FOXO3: variants seen among roughly 807,000 people sequenced by gnomAD.
FOXO3 encodes forkhead box O3, also known as forkhead box protein O3.
Under a neutral mutation model 41.9 loss-of-function variants are expected in FOXO3, and 4 were observed. The ratio of observed to expected loss-of-function variants is 0.10; its 90% CI spans 0.05 to 0.22. The LOEUF is 0.22. FOXO3 is among the 10% of genes least tolerant of loss of function. FOXO3 has a pLI of 1.00. For missense variants in FOXO3, 534 were observed against 906.8 expected (o/e 0.59, Z 5.28); for synonymous variants, 318 against 389.3 (o/e 0.82, Z 2.16).
intron 1 of FOXO3, among the ~76,000 whole-genome samples, chr6:108,586,492 TG>T (rs1017518142): frequency 6.6e-6 from 1 of 152,140 alleles, no homozygotes. Context: ...TCTGGCCTTG[TG>T]AATATTTTTT....
chr6:108,596,893 T>TC (rs1204537258), intron 1 of FOXO3, among the ~76,000 whole-genome samples: 3 of 152,208 alleles, frequency 2.0e-5, no homozygotes, highest in Non-Finnish European at 4.4e-5. Context: ...GCTTTTTTTT[T>TC]CTTTTTTCTT....
At chr6:108,648,132 C>T (rs72944305) in intron 1 of FOXO3, among the ~76,000 whole-genome samples, 2,416 of 152,216 alleles carry the variant, frequency 0.016, 26 homozygotes, top group Non-Finnish European at 0.025. Flanking sequence ...ATAGACAAGT[C>T]GAAGAACTGA....
intron 1 of FOXO3, among the ~76,000 whole-genome samples, chr6:108,650,327 TCTC>T (rs1253067780): frequency 2.0e-5 from 3 of 152,070 alleles, no homozygotes; most frequent in African/African-American, 4.8e-5. Context: ...GACTCTTCTG[TCTC>T]CTCCAGCCAC....
At chr6:108,658,796 C>T (rs564792517) in intron 1 of FOXO3, among the ~76,000 whole-genome samples, 2 of 152,338 alleles carry the variant, frequency 1.3e-5, no homozygotes, top group South Asian at 2.1e-4. Context: ...TAAAGAAAGA[C>T]AAGTAAGTCC....
intron 1 of FOXO3, among the ~76,000 whole-genome samples, chr6:108,572,412 T>TCACA (rs1174100555): frequency 3.9e-5 from 6 of 152,186 alleles, no homozygotes; most frequent in Admixed American, 3.9e-4. Context: ...TTGTAGAGTC[T>TCACA]CACACACTTG....
Position 108,664,841 on chromosome 6 carries a change from T to G in FOXO3, c.2008T>G (p.Trp670Gly). The change falls in exon 2 of 3, where the codon TGG becomes GGG. Residue 670 changes from tryptophan to glycine, a missense_variant. Coordinates refer to ENST00000406360, the MANE Select transcript of FOXO3 (RefSeq NM_001455.4). The stretch of plus-strand genomic sequence containing the variant: ...TGCTAAGCAGGCCTCATCTCAGAGC[T>G]GGGTGCCAGGCTGAAGGATCACTGA... ...TGAKQASSQS[W>G]VPG is the part of the protein sequence containing the mutation. 1 of 1,568,430 alleles carries G rather than the reference T, an allele frequency of 6.4e-7. No individual in the cohort carries two copies. The highest frequency in any genetic ancestry group is 8.6e-7 in the Non-Finnish European group (1 of 1,159,260).
At position 108,639,103 on chromosome 6, in the gene FOXO3, C is replaced by T. The variant is rs75538481; in HGVS notation, c.622-24352C>T. On this transcript the variant is annotated intron_variant, in intron 1 of 2. Coordinates refer to ENST00000406360, the MANE Select transcript of FOXO3 (RefSeq NM_001455.4). ...AATGGACCCAGAGGAAAGATAACCT[C>T]AGGATCTATCCCTTTTCACTGGAGA... Among the ~76,000 whole-genome samples the T allele has an allele frequency of 2.0e-5, 3 of 152,274 alleles. No individual in the cohort carries two copies. The East Asian group carries it at 5.8e-4, about 29-fold the overall frequency.
At chr6:108,635,525 GTTTGTT>G (rs978807367) in intron 1 of FOXO3, among the ~76,000 whole-genome samples, 4 of 151,518 alleles carry the variant, frequency 2.6e-5, no homozygotes, top group African/African-American at 9.8e-5. Flanking sequence ...GTGTAATTTT[GTTTGTT>G]TTAAATGTGT....
At chr6:108,608,494 T>G (rs1205509176) in intron 1 of FOXO3, among the ~76,000 whole-genome samples, 2 of 152,104 alleles carry the variant, frequency 1.3e-5, no homozygotes, top group African/African-American at 4.8e-5. Flanking sequence ...ACTTTTTGGG[T>G]TAAAAAAAAC....
intron 2 of FOXO3, among the ~76,000 whole-genome samples, chr6:108,666,585 C>T (rs933178505): frequency 2.6e-5 from 4 of 151,784 alleles, no homozygotes; most frequent in African/African-American, 9.7e-5. Context: ...CCTTGTGATC[C>T]GCCCGCCTCA....
At chr6:108,603,971 T>C (rs1777122275) in intron 1 of FOXO3, among the ~76,000 whole-genome samples, 1 of 152,198 alleles carries the variant, frequency 6.6e-6, no homozygotes, top group African/African-American at 2.4e-5. Flanking sequence ...GAATAATTTT[T>C]TTACTATGAA....
intron 1 of FOXO3, among the ~76,000 whole-genome samples, chr6:108,562,400 C>A (rs1197891409): frequency 6.6e-6 from 1 of 152,028 alleles, no homozygotes; most frequent in African/African-American, 2.4e-5. Flanking sequence ...TGGTTGCAAA[C>A]CTTTTCCTGG....
intron 2 of FOXO3, among the ~76,000 whole-genome samples, chr6:108,672,733 C>T (rs888364343): frequency 2.0e-5 from 3 of 152,172 alleles, no homozygotes; most frequent in African/African-American, 7.2e-5. Flanking sequence ...CTCTCCCTCT[C>T]CCTGTCTCTT....
intron 1 of FOXO3, among the ~76,000 whole-genome samples, chr6:108,626,227 A>G (rs901616745): frequency 8.5e-5 from 13 of 152,332 alleles, no homozygotes; most frequent in African/African-American, 2.6e-4. Context: ...TTATTTCTCT[A>G]TGGTAACAAG....
rs1228590271 is a variant in FOXO3, at chr6:108,561,477, C to G, written c.269C>G (p.Ser90Cys). ...GGGGGSGTLG[S>C]GLLLEDSARV... Reference sequence around the variant, plus strand: ...GGCGGCGGGAGCGGCACGCTGGGCTCCGGGCTGCTCCTTGAGGACTCGGCC... The same window carrying G: ...GGCGGCGGGAGCGGCACGCTGGGCTGCGGGCTGCTCCTTGAGGACTCGGCC... Residue 90 changes from serine (S) to cysteine (C), a missense_variant, in exon 1 of 3, where the codon TCC becomes TGC. Physicochemically the swap from Ser to Cys is moderately radical, Grantham distance 112 (BLOSUM62 -1). Coordinates refer to ENST00000406360, the MANE Select transcript of FOXO3 (RefSeq NM_001455.4). 4.6e-6 allele frequency: 7 copies of G among 1,513,670 alleles called. No homozygotes were observed. The Admixed American group carries it at 8.5e-5, about 18-fold the overall frequency. The allele number at this position is 1,513,670 out of a possible 1,614,324, so 93.8% of individuals were successfully genotyped here.
chr6:108,660,390 C>T lies in FOXO3; in HGVS notation c.622-3065C>T, dbSNP rs145128384. Among the ~76,000 whole-genome samples, 1,374 of 152,300 alleles carry T rather than the reference C, an allele frequency of 9.0e-3. 11 individuals are homozygous for T. The highest frequency in any genetic ancestry group is 0.02 in the Middle Eastern group (6 of 294). The stretch of plus-strand genomic sequence containing the variant: ...ATATAGTCTCCTGGGCAACATTTGC[C>T]TTATCAGATACTCAGCATGTTGCTT... On this transcript the variant is annotated intron_variant, in intron 1 of 2. Transcript: ENST00000406360.
At chr6:108,640,135 A>G (rs994718370) in intron 1 of FOXO3, among the ~76,000 whole-genome samples, 12 of 152,210 alleles carry the variant, frequency 7.9e-5, no homozygotes, top group African/African-American at 2.9e-4. Context: ...TCACATCAGA[A>G]TTTGGAGGAA....
At chr6:108,604,907 A>G (rs182543739) in intron 1 of FOXO3, among the ~76,000 whole-genome samples, 5 of 152,314 alleles carry the variant, frequency 3.3e-5, no homozygotes, top group African/African-American at 4.8e-5. Context: ...TAAAGGCCCT[A>G]TAAGAAGAGA....
intron 1 of FOXO3, among the ~76,000 whole-genome samples, chr6:108,592,856 G>T (rs372087649): frequency 6.6e-6 from 1 of 152,216 alleles, no homozygotes; most frequent in Admixed American, 6.5e-5. Context: ...GTTGGTGCAC[G>T]TGGTAATTGA....
Sources: gnomAD v4.1 joint callset for allele counts (sites outside exome capture counted in the v4.1 genomes callset) on GRCh38, gnomAD v4.1.1 for gene constraint, MANE v1.5 for transcripts, NCBI Gene and HGNC (gene_info 2026-07-23, HGNC 2026-07-21) for gene names.